The following CADPS2 variants were observed in gnomAD, a reference collection of about 807,000 sequenced individuals.
The protein encoded by CADPS2 is calcium dependent secretion activator 2.
In CADPS2, 93 loss-of-function variants were observed where a neutral mutation model predicts 172.5. The observed-to-expected ratio is 0.54, with a 90% CI of 0.46 to 0.64. CADPS2 has a LOEUF of 0.64. Ranked by LOEUF, CADPS2 falls within the 30% of genes least tolerant of loss-of-function variation. The pLI is 0.00. For synonymous variants in CADPS2, 546 were observed against 555.2 expected (o/e 0.98, Z 0.23); for missense variants, 1,420 against 1,565.9 (o/e 0.91, Z 1.57).
At chr7:122,387,686 T>C (rs2043860504) in intron 23 of CADPS2, among the ~76,000 whole-genome samples, 1 of 152,102 alleles carries the variant, frequency 6.6e-6, no homozygotes, top group Admixed American at 6.5e-5. Context: ...TTCAAAAACC[T>C]AAAATTGCAG....
chr7:122,699,626 T>C (rs927604676), intron 2 of CADPS2, among the ~76,000 whole-genome samples: 3 of 152,168 alleles, frequency 2.0e-5, no homozygotes, highest in African/African-American at 7.2e-5. Context: ...TTTTGTTTTA[T>C]GGTTTTGCTG....
At chr7:122,596,808 C>CT (rs1236769027) in intron 6 of CADPS2, among the ~76,000 whole-genome samples, 1 of 152,008 alleles carries the variant, frequency 6.6e-6, no homozygotes, top group East Asian at 1.9e-4. Flanking sequence ...GTCTAGGTTC[C>CT]TTTATAGCAA....
chr7:122,527,455 T>C (rs1211847546), intron 8 of CADPS2, among the ~76,000 whole-genome samples: 1 of 151,436 alleles, frequency 6.6e-6, no homozygotes, highest in East Asian at 1.9e-4. Context: ...ATATTGACAG[T>C]TGGAATCTCT....
At chr7:122,833,534 T>C (rs1215103032) in intron 1 of CADPS2, among the ~76,000 whole-genome samples, 1 of 151,630 alleles carries the variant, frequency 6.6e-6, no homozygotes, top group Non-Finnish European at 1.5e-5. Context: ...CCAGCTTTGT[T>C]TTTTTTTGTT....
chr7:122,572,159 C>T (rs944337302), intron 7 of CADPS2, among the ~76,000 whole-genome samples: 5 of 152,118 alleles, frequency 3.3e-5, no homozygotes, highest in African/African-American at 1.2e-4. Context: ...AAATGACTGA[C>T]TGATGCTTTA....
intron 8 of CADPS2, among the ~76,000 whole-genome samples, chr7:122,528,360 T>C (rs2061454886): frequency 6.6e-6 from 1 of 152,192 alleles, no homozygotes; most frequent in African/African-American, 2.4e-5. Flanking sequence ...GCTCTTCTTA[T>C]TCATTAGATA....
At chr7:122,363,108 C>A (rs534408097) in intron 25 of CADPS2, among the ~76,000 whole-genome samples, 1 of 152,316 alleles carries the variant, frequency 6.6e-6, no homozygotes, top group African/African-American at 2.4e-5. Flanking sequence ...GTTAGGATTT[C>A]TTACCAATCA....
At chr7:122,409,919 TTAAAGTTCTTTTGGCTTTAATGC>T (rs1387321759) in intron 19 of CADPS2, among the ~76,000 whole-genome samples, 4 of 152,198 alleles carry the variant, frequency 2.6e-5, no homozygotes, top group African/African-American at 9.6e-5. Context: ...ATTATCTGGG[TTAAAGTTCTTTTGGCTTTAATGC>T]TAAGCCACTA....
At position 122,631,587 on chromosome 7, in the gene CADPS2, T is replaced by A. The variant is rs190298962; in HGVS notation, c.787-2259A>T. Among the ~76,000 whole-genome samples the A allele has an allele frequency of 4.3e-3, 661 of 152,072 alleles. 2 individuals carry two copies. Among genetic ancestry groups the A allele is most frequent in the Non-Finnish European group, 5.8e-3 (393 of 67,982 alleles). On this transcript the variant is annotated intron_variant, in intron 3 of 29. Coordinates refer to ENST00000449022, the MANE Select transcript of CADPS2 (RefSeq NM_017954.11). ...AGCCACCGCACCTGGTCTGTTTTTT[T>A]AAAAAATAATTAATGACTTGATCAC...
At chr7:122,538,404 TA>T (rs769070728) in intron 8 of CADPS2, among the ~76,000 whole-genome samples, 3,259 of 135,032 alleles carry the variant, frequency 0.024, 51 homozygotes, top group African/African-American at 0.05. Flanking sequence ...TTAATTAGTT[TA>T]AAAAAAAAAA....
intron 20 of CADPS2, among the ~76,000 whole-genome samples, chr7:122,403,555 G>A (rs999648415): frequency 6.6e-6 from 1 of 151,940 alleles, no homozygotes; most frequent in Non-Finnish European, 1.5e-5. Flanking sequence ...AATCAGGAGA[G>A]AAATATAAAA....
chr7:122,774,960 T>C (rs1360818113), intron 1 of CADPS2, among the ~76,000 whole-genome samples: 1 of 152,198 alleles, frequency 6.6e-6, no homozygotes, highest in African/African-American at 2.4e-5. Context: ...TAAAATTACT[T>C]ACTTTTGCTC....
At chr7:122,682,748 G>A (rs2135853486) in intron 2 of CADPS2, among the ~76,000 whole-genome samples, 1 of 152,174 alleles carries the variant, frequency 6.6e-6, no homozygotes, top group East Asian at 1.9e-4. Flanking sequence ...AGACCCGAGA[G>A]TTCAAGGTGT....
At chr7:122,711,054 A>T (rs539245416) in intron 2 of CADPS2, among the ~76,000 whole-genome samples, 1 of 152,244 alleles carries the variant, frequency 6.6e-6, no homozygotes, top group African/African-American at 2.4e-5. Context: ...TTTTTTAAAG[A>T]AAGAGAACAG....
At chr7:122,670,774 T>C (rs973459992) in intron 2 of CADPS2, among the ~76,000 whole-genome samples, 5 of 151,270 alleles carry the variant, frequency 3.3e-5, no homozygotes, top group Admixed American at 1.3e-4. Context: ...GTGCTGGGAT[T>C]ACAGGTGTGA....
At chr7:122,841,295 A>G (rs903378880) in intron 1 of CADPS2, among the ~76,000 whole-genome samples, 1 of 152,184 alleles carries the variant, frequency 6.6e-6, no homozygotes, top group Non-Finnish European at 1.5e-5. Context: ...CAAAGTACCA[A>G]TCATTAAAAC....
chr7:122,429,674 A>AT (rs2049624454), intron 17 of CADPS2, among the ~76,000 whole-genome samples: 1 of 152,112 alleles, frequency 6.6e-6, no homozygotes, highest in African/African-American at 2.4e-5. Flanking sequence ...ACTTTTTGCC[A>AT]TTGTCGGTGC....
At chr7:122,779,893 G>A (rs1376528421) in intron 1 of CADPS2, among the ~76,000 whole-genome samples, 1 of 151,780 alleles carries the variant, frequency 6.6e-6, no homozygotes, top group Non-Finnish European at 1.5e-5. Flanking sequence ...TTCCTAGGTA[G>A]CCATTCCTTG....
intron 2 of CADPS2, among the ~76,000 whole-genome samples, chr7:122,683,992 C>T (rs1317372092): frequency 6.6e-6 from 1 of 152,164 alleles, no homozygotes; most frequent in African/African-American, 2.4e-5. Flanking sequence ...CTGCTAGGTT[C>T]TGACCACCTG....
Sources: allele counts gnomAD v4.1 joint callset (sites outside exome capture counted in the v4.1 genomes callset), GRCh38; gene constraint gnomAD v4.1.1; transcripts MANE v1.5; gene names NCBI Gene and HGNC (gene_info 2026-07-23, HGNC 2026-07-21).